The following FTO variants were observed in gnomAD, a reference collection of about 807,000 sequenced individuals.
FTO encodes the protein alpha-ketoglutarate-dependent dioxygenase FTO.
Under a neutral mutation model 63.9 loss-of-function variants are expected in FTO, and 47 were observed. The ratio of observed to expected loss-of-function variants is 0.74; its 90% CI spans 0.58 to 0.94. FTO has a LOEUF of 0.94. Among genes scored for constraint, FTO ranks in the 40% least tolerant of loss-of-function variants. The pLI is 0.00. For missense variants in FTO, 562 were observed against 618.1 expected (o/e 0.91, Z 0.96); for synonymous variants, 207 against 224.4 (o/e 0.92, Z 0.69).
At chr16:54,037,723 A>T (rs189321541) in intron 8 of FTO, among the ~76,000 whole-genome samples, 3 of 152,370 alleles carry the variant, frequency 2.0e-5, no homozygotes, top group African/African-American at 7.2e-5. Context: ...AAAAACATAG[A>T]TAGTATTTAC....
chr16:53,813,520 C>G (rs1012922748), intron 2 of FTO, among the ~76,000 whole-genome samples: 1 of 152,118 alleles, frequency 6.6e-6, no homozygotes, highest in Non-Finnish European at 1.5e-5. Context: ...CCAAAGTACA[C>G]CTTCTAGGAA....
intron 8 of FTO, among the ~76,000 whole-genome samples, chr16:54,097,119 C>T (rs1338429002): frequency 6.6e-6 from 1 of 152,108 alleles, no homozygotes; most frequent in African/African-American, 2.4e-5. Context: ...TATATAACTA[C>T]AGTTTTTTTA....
intron 8 of FTO, among the ~76,000 whole-genome samples, chr16:54,047,118 A>C (rs1312456678): frequency 1.3e-4 from 12 of 91,596 alleles, no homozygotes; most frequent in Non-Finnish European, 1.5e-4. Context: ...AATGGGATCT[A>C]ATTAAACTAA....
intron 8 of FTO, among the ~76,000 whole-genome samples, chr16:54,058,393 GATTAC>G (rs2085488932): frequency 6.6e-6 from 1 of 152,194 alleles, no homozygotes; most frequent in South Asian, 2.1e-4. Context: ...AAAGTGCTGG[GATTAC>G]AGGCGTGAGC....
chr16:53,833,556 G>A (rs58470105), intron 3 of FTO, among the ~76,000 whole-genome samples: 69,465 of 151,808 alleles, frequency 0.46, 16,391 homozygotes, highest in East Asian at 0.58. Context: ...ACTTTTGTGT[G>A]TATACTTTTT....
intron 7 of FTO, among the ~76,000 whole-genome samples, chr16:53,917,757 C>T (rs1305050323): frequency 1.3e-5 from 2 of 148,762 alleles, no homozygotes; most frequent in African/African-American, 2.5e-5. Flanking sequence ...TCTGTCCATC[C>T]GTCGTCCATC....
intron 4 of FTO, among the ~76,000 whole-genome samples, chr16:53,858,158 T>G (rs956786833): frequency 1.3e-5 from 2 of 152,196 alleles, no homozygotes; most frequent in Non-Finnish European, 1.5e-5. Flanking sequence ...GCAAATTCTC[T>G]ACAATGAGCA....
chr16:53,797,929 A>G (rs917215510), intron 1 of FTO, among the ~76,000 whole-genome samples: 2 of 152,000 alleles, frequency 1.3e-5, no homozygotes, highest in Non-Finnish European at 2.9e-5. Flanking sequence ...TTCTAATACT[A>G]GTTTTATAGT....
chr16:53,704,973 C>G (rs2151445307), intron 1 of FTO, among the ~76,000 whole-genome samples: 1 of 152,040 alleles, frequency 6.6e-6, no homozygotes, highest in South Asian at 2.1e-4. Context: ...CATTCCCAAA[C>G]TCAGATCCTG....
At chr16:53,901,934 A>G (rs2081414650) in intron 7 of FTO, among the ~76,000 whole-genome samples, 1 of 152,148 alleles carries the variant, frequency 6.6e-6, no homozygotes. Flanking sequence ...TTTAGAGGCC[A>G]CTATTCTCCT....
intron 8 of FTO, among the ~76,000 whole-genome samples, chr16:54,028,225 T>C (rs2144195489): frequency 6.6e-6 from 1 of 152,274 alleles, no homozygotes; most frequent in South Asian, 2.1e-4. Context: ...TTGGCAATAG[T>C]AGACCTGTTT....
intron 4 of FTO, among the ~76,000 whole-genome samples, chr16:53,852,116 A>G (rs896166965): frequency 6.7e-6 from 1 of 149,824 alleles, no homozygotes; most frequent in Admixed American, 6.7e-5. Context: ...AAAAAAAAAA[A>G]AAAAGCCAGG....
intron 8 of FTO, among the ~76,000 whole-genome samples, chr16:54,049,807 T>A (rs1448629293): frequency 6.6e-6 from 1 of 152,186 alleles, no homozygotes; most frequent in Non-Finnish European, 1.5e-5. Flanking sequence ...TCCCAGGATT[T>A]GGCCGTGGAT....
In FTO at chr16:53,798,436, T is replaced by A. The variant is rs9938390; in HGVS notation, c.46-11704T>A. Among the ~76,000 whole-genome samples the A allele has an allele frequency of 7.1e-3, 1,086 of 152,274 alleles. 14 individuals are homozygous for A. Among genetic ancestry groups the A allele is most frequent in the African/African-American group, 0.025 (1,022 of 41,578 alleles). On this transcript the variant is annotated intron_variant, in intron 1 of 8. Transcript: ENST00000471389. ...TCCACTAACATGGCATATCTCTTTG[T>A]TTAATTTCGGTAGTGTTTTTTAAAT...
At chr16:53,716,385 T>C (rs2075895868) in intron 1 of FTO, among the ~76,000 whole-genome samples, 1 of 152,198 alleles carries the variant, frequency 6.6e-6, no homozygotes, top group African/African-American at 2.4e-5. Flanking sequence ...CTTTAGAGTA[T>C]AGTTTATGAG....
In FTO at chr16:53,873,842, A is replaced by T; in HGVS notation, c.952A>T (p.Ser318Cys). ...TTTGGCCGGTTCACAACCTCGGTTT[A>T]GTTCCACCCACCGAGTGGCAGAGGT... ...CVLAGSQPRF[S>C]STHRVAECST... The change falls in exon 5 of 9, where the codon AGT (serine) becomes TGT (cysteine). Residue 318 changes from serine to cysteine, a missense_variant. Transcript: ENST00000471389. 6 of 1,612,970 alleles carry T rather than the reference A, an allele frequency of 3.7e-6. No homozygotes were observed. Among genetic ancestry groups the T allele is most frequent in the Middle Eastern group, 3.3e-4 (2 of 6,054 alleles).
At position 53,826,378 on chromosome 16, in the gene FTO, C is replaced by T. The variant is rs1391134548; in HGVS notation, c.638C>T (p.Pro213Leu). The T allele has an allele frequency of 6.2e-7, 1 of 1,614,056 alleles. No homozygotes were observed. The highest frequency in any genetic ancestry group is 1.7e-5 in the Admixed American group (1 of 60,004). ...AATTTCATGGATCCTCAGAAAATGC[C>T]ATACCTGAAAGAGGAACCTTATTTT... ...LLNFMDPQKM[P>L]YLKEEPYFGM... is the part of the protein sequence containing the mutation. Residue 213 changes from proline to leucine, a missense_variant, in exon 3 of 9, where the codon CCA (proline) becomes CTA (leucine). Pro to Leu is a moderately conservative substitution (Grantham distance 98). Transcript: ENST00000471389.
chr16:53,924,098 TCCC>T (rs779011830), intron 7 of FTO, among the ~76,000 whole-genome samples: 3 of 152,210 alleles, frequency 2.0e-5, no homozygotes, highest in Non-Finnish European at 4.4e-5. Flanking sequence ...CTGTGATATT[TCCC>T]CCAAGACTTC....
intron 8 of FTO, among the ~76,000 whole-genome samples, chr16:54,105,557 T>A (rs1483237139): frequency 2.0e-5 from 3 of 152,192 alleles, no homozygotes; most frequent in African/African-American, 7.2e-5. Context: ...TCCAAATACC[T>A]ACCCCTGCCA....
Sources: allele counts gnomAD v4.1 joint callset (sites outside exome capture counted in the v4.1 genomes callset), GRCh38; gene constraint gnomAD v4.1.1; transcripts MANE v1.5; gene names NCBI Gene and HGNC (gene_info 2026-07-23, HGNC 2026-07-21).